The following TNRC18 variants were observed in gnomAD, a reference collection of about 807,000 sequenced individuals.
TNRC18 encodes the protein trinucleotide repeat containing 18.
TNRC18 carries 69 observed loss-of-function variants against 226.7 expected under a neutral mutation model. The observed-to-expected ratio is 0.30, with a 90% CI of 0.25 to 0.37. The LOEUF is 0.37. Among genes scored for constraint, TNRC18 ranks in the 10% least tolerant of loss-of-function variants. TNRC18 has a pLI of 1.00. For synonymous variants in TNRC18, 2,449 were observed against 1,927.6 expected, an observed-to-expected ratio of 1.27 and a Z score of -7.09; for missense variants, 4,754 against 4,256.6, an observed-to-expected ratio of 1.12 and a Z score of -3.25.
chr7:5,379,210 C>A (rs1350220591), intron 5 of TNRC18, among the ~76,000 whole-genome samples: 15 of 147,234 alleles, frequency 1.0e-4, no homozygotes, highest in Non-Finnish European at 1.5e-4. Context: ...AAAAAAAAAA[C>A]AAAAAAACAA....
chr7:5,322,283 A>ATCATC (rs1788457758), intron 21 of TNRC18, among the ~76,000 whole-genome samples: 10 of 149,390 alleles, frequency 6.7e-5, no homozygotes, highest in Middle Eastern at 6.4e-3. Context: ...CCGTCTCAAT[A>ATCATC]ATCATCATCA....
At chr7:5,418,050 C>A (rs1341987886) in intron 2 of TNRC18, among the ~76,000 whole-genome samples, 1 of 152,182 alleles carries the variant, frequency 6.6e-6, no homozygotes, top group Non-Finnish European at 1.5e-5. Context: ...GGGTCCCACC[C>A]TCTATTCATG....
chr7:5,397,608 C>T (rs919230935), intron 2 of TNRC18, among the ~76,000 whole-genome samples: 1 of 152,234 alleles, frequency 6.6e-6, no homozygotes. Flanking sequence ...ACCCCCCTCA[C>T]CTCACTCTCC....
intron 15 of TNRC18, 122 bp downstream of exon 15, chr7:5,359,276 A>C (rs1792780954): frequency 7.8e-6 from 8 of 1,023,006 alleles, no homozygotes; most frequent in Non-Finnish European, 1.0e-5. Flanking sequence ...GGCATTGAAG[A>C]CAACCACTTC....
Position 5,356,951 on chromosome 7 carries a change from G to A in TNRC18, c.5159C>T (p.Ser1720Phe). 1.9e-6 allele frequency: 3 copies of A among 1,551,240 alleles called. No homozygotes were observed. The highest frequency in any genetic ancestry group is 2.6e-6 in the Non-Finnish European group (3 of 1,146,706). The change falls in exon 16 of 30, where the codon TCC becomes TTC. Residue 1720 changes from serine to phenylalanine, a missense_variant. Coordinates refer to ENST00000430969, the MANE Select transcript of TNRC18 (RefSeq NM_001080495.3). ...GCTGCTCACTTCCGAGGCAAACGGG[G>A]AATGGGCCGACTTGGGCTGGCCTCT... Reference protein sequence around the residue: ...KARGQPKSAHSPFASEVSSYS... With the variant: ...KARGQPKSAHFPFASEVSSYS...
At chr7:5,308,675 G>A (rs1328786330) in intron 29 of TNRC18, among the ~76,000 whole-genome samples, 200 bp downstream of exon 29, 1 of 152,196 alleles carries the variant, frequency 6.6e-6, no homozygotes, top group Non-Finnish European at 1.5e-5. Flanking sequence ...TGGGAGAGCA[G>A]AGAAGACCCA....
chr7:5,313,119 C>T lies in TNRC18; in HGVS notation c.7772G>A (p.Gly2591Glu), dbSNP rs1787441899. ...TEGEEEGDKNGDGGCGTGGRN... is the reference protein window; with the variant it reads ...TEGEEEGDKNEDGGCGTGGRN... ...GCCCCCGGTGCCGCAGCCCCCGTCC[C>T]CGTTCTTGTCGCCTTCCTCCTCCCC... The change falls in exon 27 of 30, where the codon GGG becomes GAG. Residue 2591 changes from glycine (G) to glutamate (E), a missense_variant. Transcript: ENST00000430969. 1.4e-6 allele frequency: 2 copies of T among 1,478,076 alleles called. No individual in the cohort carries two copies. Among genetic ancestry groups the T allele is most frequent in the East Asian group, 2.5e-5 (1 of 40,572 alleles). 91.6% of individuals were successfully genotyped at this position (1,478,076 alleles called of 1,614,324 possible).
At chr7:5,316,967 G>C (rs1244269701) in intron 24 of TNRC18, among the ~76,000 whole-genome samples, 1 of 152,108 alleles carries the variant, frequency 6.6e-6, no homozygotes, top group Non-Finnish European at 1.5e-5. Flanking sequence ...CTTCACCCTA[G>C]AGAGAGGCTC....
chr7:5,398,987 G>C (rs1053840073), intron 2 of TNRC18, among the ~76,000 whole-genome samples: 1 of 152,126 alleles, frequency 6.6e-6, no homozygotes, highest in Non-Finnish European at 1.5e-5. Context: ...GTGAGGAGAG[G>C]ATCAAGGCAT....
rs57464872 is a variant in TNRC18 at position 5,404,763 on chromosome 7, A to AGTGTGTGTGTGTGTGT, written c.188-10184_188-10169dup. ...ACCCCAGCAGCGCATGCACACTTTCAGTGTGTGTGTGTGTGTGTGTGTGTG... is the reference window on the plus strand; with the variant it reads ...ACCCCAGCAGCGCATGCACACTTTCAGTGTGTGTGTGTGTGTGTGTGTGTGTGTGTGTGTGTGTGTG... On this transcript the variant is annotated intron_variant, in intron 2 of 29. Transcript: ENST00000430969. Among the ~76,000 whole-genome samples, 651 of 147,224 alleles carry AGTGTGTGTGTGTGTGT rather than the reference A, an allele frequency of 4.4e-3. 9 individuals carry two copies. The highest frequency in any genetic ancestry group is 0.016 in the African/African-American group (621 of 39,854).
intron 14 of TNRC18, among the ~76,000 whole-genome samples, chr7:5,359,986 A>C (rs905668573): frequency 6.6e-6 from 1 of 151,620 alleles, no homozygotes; most frequent in Non-Finnish European, 1.5e-5. Context: ...TTTTCCAGTA[A>C]GGGAAAAAAA....
chr7:5,370,813 G>A lies in TNRC18; in HGVS notation c.3781C>T (p.Pro1261Ser), dbSNP rs751841002. 1 of 1,608,422 alleles carries A rather than the reference G, an allele frequency of 6.2e-7. No homozygotes were observed. The change falls in exon 11 of 30, where the codon CCG (proline) becomes TCG (serine). Residue 1261 changes from proline to serine, a missense_variant. Pro to Ser is a moderately conservative substitution (Grantham distance 74). Coordinates refer to ENST00000430969, the MANE Select transcript of TNRC18 (RefSeq NM_001080495.3). ...PETLVEAKEE[P>S]VEVPVAVPVV... ...GGCACCGCCACAGGCACCTCCACCG[G>A]CTCCTCCTTGGCCTCCACCAGTGTC...
chr7:5,369,764 A>G (rs1480793623), intron 11 of TNRC18, among the ~76,000 whole-genome samples: 4 of 152,196 alleles, frequency 2.6e-5, no homozygotes, highest in Non-Finnish European at 4.4e-5. Flanking sequence ...AATTTAAATG[A>G]GAGTTTCTGT....
chr7:5,382,550 C>CG (rs541476133), intron 5 of TNRC18, among the ~76,000 whole-genome samples: 104 of 144,524 alleles, frequency 7.2e-4, no homozygotes, highest in South Asian at 7.1e-3. Context: ...GGAAGCGGAT[C>CG]GGGGGGGAGT....
At chr7:5,363,723 A>G (rs891512765) in intron 11 of TNRC18, among the ~76,000 whole-genome samples, 6 of 152,160 alleles carry the variant, frequency 3.9e-5, no homozygotes, top group African/African-American at 1.4e-4. Context: ...GGGCCTCCAA[A>G]GACCGAAGGG....
At chr7:5,335,835 G>GA (rs61412615) in intron 18 of TNRC18, among the ~76,000 whole-genome samples, 19,454 of 120,152 alleles carry the variant, frequency 0.16, 1,422 homozygotes, top group South Asian at 0.2. Flanking sequence ...ATATTCACTG[G>GA]AAAAAAAAAA....
intron 2 of TNRC18, among the ~76,000 whole-genome samples, chr7:5,417,734 G>A (rs541985919): frequency 3.3e-5 from 5 of 152,224 alleles, no homozygotes; most frequent in Non-Finnish European, 5.9e-5. Flanking sequence ...CCCACCAAGT[G>A]GCCCTTCCAG....
intron 25 of TNRC18, among the ~76,000 whole-genome samples, chr7:5,315,429 T>G (rs28581510): frequency 0.66 from 98,351 of 148,678 alleles, 33,368 homozygotes; most frequent in East Asian, 0.86. Flanking sequence ...TTTTTTTTTT[T>G]TTTTTTTTTT....
rs1794642782 is a variant in TNRC18 at position 5,376,064 on chromosome 7, G to T, written c.2769C>A (p.Ala923=). The change falls in exon 9 of 30, where the codon GCC becomes GCA. Residue 923 remains alanine (A), a synonymous_variant. Coordinates refer to ENST00000430969, the MANE Select transcript of TNRC18 (RefSeq NM_001080495.3). ...GCTGGGCGCTCCTCTGCAGTTCCAAGGCCTGGGCCGCCTGCTGCTGCAGGT... is the reference window on the plus strand; with the variant it reads ...GCTGGGCGCTCCTCTGCAGTTCCAATGCCTGGGCCGCCTGCTGCTGCAGGT... ...FLYLQQQAAQ[A]LELQRSAQLV... The T allele has an allele frequency of 3.1e-6, 5 of 1,597,172 alleles. No homozygotes were observed. The highest frequency in any genetic ancestry group is 4.3e-6 in the Non-Finnish European group (5 of 1,173,236).
Sources: allele counts gnomAD v4.1 joint callset (sites outside exome capture counted in the v4.1 genomes callset), GRCh38; gene constraint gnomAD v4.1.1; transcripts MANE v1.5; gene names NCBI Gene and HGNC (gene_info 2026-07-23, HGNC 2026-07-21).